SF3B3: variants seen among roughly 807,000 people sequenced by gnomAD.
SF3B3 encodes the protein SAP 130.
SF3B3 carries 33 observed loss-of-function variants against 139.2 expected under a neutral mutation model. The observed-to-expected ratio is 0.24, with a 90% CI of 0.18 to 0.32. The LOEUF (loss-of-function observed/expected upper bound fraction) is 0.32, where lower values mean the gene tolerates loss of function less well. Ranked by LOEUF, SF3B3 falls within the 10% of genes least tolerant of loss-of-function variation. The pLI, the probability that SF3B3 is intolerant of heterozygous loss-of-function variation, is 1.00. For missense variants in SF3B3, 818 were observed against 1,509.4 expected, an observed-to-expected ratio of 0.54 and a Z score of 7.59; for synonymous variants, 596 against 563.6, an observed-to-expected ratio of 1.06 and a Z score of -0.81.
At chr16:70,555,593 T>C (rs752681702) in intron 13 of SF3B3, among the ~76,000 whole-genome samples, 15 of 152,090 alleles carry the variant, frequency 9.9e-5, no homozygotes, top group African/African-American at 1.4e-4. Flanking sequence ...GGTAGAGTTA[T>C]GAAATCCCCT....
intron 5 of SF3B3, among the ~76,000 whole-genome samples, 196 bp from the exon 6 acceptor site, chr16:70,535,112 C>T (rs1177535458): frequency 6.6e-6 from 1 of 152,178 alleles, no homozygotes; most frequent in African/African-American, 2.4e-5. Context: ...CAGGCTGAGA[C>T]CAAACCTTCC....
At position 70,571,279 on chromosome 16, in the gene SF3B3, A is replaced by G. The variant is rs926826678; in HGVS notation, c.3513+80A>G. 4.8e-5 allele frequency: 51 copies of G among 1,069,004 alleles called. No homozygotes were observed. The South Asian group carries it at 6.1e-4, about 13-fold the overall frequency. 66.2% of individuals were successfully genotyped at this position (1,069,004 alleles called of 1,614,324 possible). On this transcript the variant is annotated intron_variant, in intron 25 of 25. Coordinates refer to ENST00000302516, the MANE Select transcript of SF3B3 (RefSeq NM_012426.5). ...GGAGTGGATTGATGGGAATAGTACC[A>G]GGGAGGGTGCTCCCCTCAGGGCAGA... is the stretch of plus-strand genomic sequence containing the variant.
rs1048956212 is a variant in SF3B3 at position 70,538,537 on chromosome 16, A to G, written c.963+77A>G. The G allele has an allele frequency of 1.5e-5, 19 of 1,285,522 alleles. 1 individual carries two copies. The Admixed American group carries it at 2.5e-4, about 17-fold the overall frequency. 79.6% of individuals were successfully genotyped at this position (1,285,522 alleles called of 1,614,324 possible). On this transcript the variant is annotated intron_variant, in intron 7 of 25. Transcript: ENST00000302516. ...CAAGACAGGTAATACTTTACAAGTT[A>G]AAAAAATGAGAACTTAGAAAGTAGT...
At chr16:70,568,119 A>G (rs1279225041) in intron 21 of SF3B3, among the ~76,000 whole-genome samples, 164 bp from the exon 22 acceptor site, 5 of 152,190 alleles carry the variant, frequency 3.3e-5, no homozygotes, top group African/African-American at 1.2e-4. Context: ...CTATATTAAA[A>G]GCTATTTGGC....
intron 21 of SF3B3, among the ~76,000 whole-genome samples, chr16:70,568,037 A>T (rs2050493685): frequency 6.6e-6 from 1 of 152,194 alleles, no homozygotes; most frequent in African/African-American, 2.4e-5. Context: ...TGACTTACCA[A>T]ACAAGAACCA....
chr16:70,567,346 A>G (rs1004944501), intron 20 of SF3B3, 65 bp from the exon 21 acceptor site: 4 of 1,528,926 alleles, frequency 2.6e-6, no homozygotes, highest in African/African-American at 2.8e-5. Context: ...ATTTCTGGGC[A>G]GAGAGGTGAG....
At position 70,560,500 on chromosome 16, in the gene SF3B3, C is replaced by T; in HGVS notation, c.2042C>T (p.Pro681Leu). ...NGVLLRTVLD[P>L]VTGDLSDTRT... ...GTGCTGCTGAGGACTGTCTTGGACC[C>T]TGTCACTGGGGATTTGTCTGATACT... Residue 681 changes from proline (P) to leucine (L), a missense_variant, in exon 16 of 26, where the codon CCT becomes CTT. Pro to Leu is a moderately conservative substitution (Grantham distance 98, BLOSUM62 -3). Around this residue, in one of 14 missense-constraint regions of SF3B3, gnomAD observed 170 missense variants for 353.0 expected, o/e 0.48. Coordinates refer to ENST00000302516, the MANE Select transcript of SF3B3 (RefSeq NM_012426.5). The T allele has an allele frequency of 6.2e-7, 1 of 1,613,940 alleles. No homozygotes were observed. Among genetic ancestry groups the T allele is most frequent in the East Asian group, 2.2e-5 (1 of 44,856 alleles).
intron 11 of SF3B3, among the ~76,000 whole-genome samples, chr16:70,552,380 A>G (rs1380483796): frequency 1.3e-5 from 2 of 152,218 alleles, no homozygotes; most frequent in African/African-American, 4.8e-5. Flanking sequence ...CAGTACAAAA[A>G]CTGAGAACTG....
chr16:70,548,716 A>G (rs1048980435), intron 11 of SF3B3, among the ~76,000 whole-genome samples: 1 of 152,204 alleles, frequency 6.6e-6, no homozygotes, highest in Non-Finnish European at 1.5e-5. Context: ...TGTGGTATTG[A>G]CTTTATATTC....
Position 70,532,607 on chromosome 16 carries a change from C to G in SF3B3, c.699C>G (p.Asn233Lys). 1.2e-6 allele frequency: 2 copies of G among 1,614,148 alleles called. No individual in the cohort carries two copies. The highest frequency in any genetic ancestry group is 1.7e-6 in the Non-Finnish European group (2 of 1,179,998). Reference protein sequence around the residue: ...KYSEPLEEHGNFLITVPGGSD... With the variant: ...KYSEPLEEHGKFLITVPGGSD... ...GTGAACCTTTGGAGGAACACGGCAA[C>G]TTCCTTATTACAGGTACTTTTCTTT... Residue 233 changes from asparagine to lysine, a missense_variant, in exon 5 of 26, where the codon AAC becomes AAG. Transcript: ENST00000302516.
intron 9 of SF3B3, among the ~76,000 whole-genome samples, chr16:70,543,681 C>G (rs908970584): frequency 2.6e-5 from 4 of 151,990 alleles, no homozygotes; most frequent in Admixed American, 2.6e-4. Context: ...GTACTCTAAC[C>G]TCGGTGACAG....
chr16:70,554,956 G>T, intron 12 of SF3B3, 95 bp from the exon 13 acceptor site: 1 of 1,222,438 alleles, frequency 8.2e-7, no homozygotes, highest in Non-Finnish European at 1.2e-6. Context: ...GTGGCCCCAG[G>T]TCTGATTTTA....
chr16:70,569,279 ACC>A, intron 23 of SF3B3, 138 bp downstream of exon 23: 2 of 583,782 alleles, frequency 3.4e-6, no homozygotes, highest in South Asian at 2.4e-5. Flanking sequence ...GTCCTTTCTT[ACC>A]AATCTGCAAA....
chr16:70,554,691 C>A, intron 12 of SF3B3, 94 bp downstream of exon 12: 1 of 1,265,612 alleles, frequency 7.9e-7, no homozygotes. Flanking sequence ...TCTTCACCCT[C>A]ACCTTCCAGC....
chr16:70,568,462 G>T lies in SF3B3; in HGVS notation c.3132G>T (p.Val1044=). ...TTASLLDYDT[V]AGADKFGNIC... ...CCAGCCTCCTGGACTATGACACTGT[G>T]GCTGGGGCAGACAAGTTTGGCAACA... The change falls in exon 22 of 26, where the codon GTG becomes GTT. Residue 1044 remains valine, a synonymous_variant. Coordinates refer to ENST00000302516, the MANE Select transcript of SF3B3 (RefSeq NM_012426.5). 6.2e-7 allele frequency: 1 copy of T among 1,613,956 alleles called. No homozygotes were observed. The highest frequency in any genetic ancestry group is 8.5e-7 in the Non-Finnish European group (1 of 1,179,890).
chr16:70,575,719 G>C lies in SF3B3; in HGVS notation c.*3906G>C, dbSNP rs1031496186. Reference sequence around the variant, plus strand: ...AGAGGGCCTGCCACCAGTTTCAGAAGAGCCTGCAGCCTGCATCTGATTTCC... The same window carrying C: ...AGAGGGCCTGCCACCAGTTTCAGAACAGCCTGCAGCCTGCATCTGATTTCC... On this transcript the variant is annotated 3_prime_UTR_variant, in exon 26 of 26. Coordinates refer to ENST00000302516, the MANE Select transcript of SF3B3 (RefSeq NM_012426.5). 1 of 152,282 alleles carries C rather than the reference G, an allele frequency of 6.6e-6. No homozygotes were observed. Among genetic ancestry groups the C allele is most frequent in the Admixed American group, 6.5e-5 (1 of 15,288 alleles). 9.4% of individuals were successfully genotyped at this position (152,282 alleles called of 1,614,324 possible).
intron 9 of SF3B3, among the ~76,000 whole-genome samples, chr16:70,542,509 A>T (rs1010259046): frequency 6.6e-6 from 1 of 152,128 alleles, no homozygotes; most frequent in Non-Finnish European, 1.5e-5. Flanking sequence ...CTCAATTGTC[A>T]GGGTTTGAGT....
chr16:70,545,384 G>A (rs2050258770), intron 10 of SF3B3, among the ~76,000 whole-genome samples: 1 of 152,130 alleles, frequency 6.6e-6, no homozygotes, highest in African/African-American at 2.4e-5. Context: ...ATAATTTTTA[G>A]TGTTTCTGCA....
chr16:70,526,772 A>G (rs774151252), intron 2 of SF3B3, 46 bp downstream of exon 2: 34 of 1,295,312 alleles, frequency 2.6e-5, no homozygotes, highest in Admixed American at 1.2e-4. Context: ...GTGAATTAAT[A>G]CATATCTTGC....
Sources: allele counts gnomAD v4.1 joint callset (sites outside exome capture counted in the v4.1 genomes callset), GRCh38; gene constraint gnomAD v4.1.1; regional missense constraint gnomAD v4.1.1; transcripts MANE v1.5; gene names NCBI Gene and HGNC (gene_info 2026-07-23, HGNC 2026-07-21).